GALNT17: variants seen among roughly 807,000 people sequenced by gnomAD.
GALNT17 encodes UDP-GalNAc:polypeptide N-acetylgalactosaminyltransferase-like 3.
Under a neutral mutation model 63.7 loss-of-function variants are expected in GALNT17, and 29 were observed. The ratio of observed to expected loss-of-function variants is 0.46; its 90% CI spans 0.34 to 0.62. The LOEUF (loss-of-function observed/expected upper bound fraction) is 0.62, where lower values mean the gene tolerates loss of function less well. Among genes scored for constraint, GALNT17 ranks in the 20% least tolerant of loss-of-function variants. GALNT17 has a pLI of 0.01. For missense variants in GALNT17, 603 were observed against 799.6 expected (o/e 0.75, Z 2.97); for synonymous variants, 305 against 318.3 (o/e 0.96, Z 0.45).
intron 5 of GALNT17, 83 bp downstream of exon 5, chr7:71,421,188 C>T (rs1439624111): frequency 6.8e-7 from 1 of 1,469,614 alleles, no homozygotes; most frequent in Non-Finnish European, 9.2e-7. Flanking sequence ...CCAGGAAAGC[C>T]TGCCTTGGGC....
chr7:71,241,847 C>T (rs1790002926), intron 1 of GALNT17, among the ~76,000 whole-genome samples: 1 of 152,122 alleles, frequency 6.6e-6, no homozygotes, highest in South Asian at 2.1e-4. Context: ...CATGATCACG[C>T]CCCTGCACCC....
chr7:71,658,344 T>G (rs530804018), intron 6 of GALNT17, among the ~76,000 whole-genome samples: 1 of 152,344 alleles, frequency 6.6e-6, no homozygotes, highest in African/African-American at 2.4e-5. Flanking sequence ...TCTCCCATAG[T>G]GTGTCTTCTT....
intron 5 of GALNT17, among the ~76,000 whole-genome samples, chr7:71,453,861 T>C (rs560288962): frequency 9.3e-5 from 14 of 151,350 alleles, no homozygotes; most frequent in Non-Finnish European, 2.1e-4. Context: ...TCATCAGGTC[T>C]GTTTGAGGAC....
Position 71,132,200 on chromosome 7 carries a change from C to T in GALNT17, c.-603C>T, listed in dbSNP as rs1351757703. 2.0e-5 allele frequency: 3 copies of T among 152,570 alleles called. No individual in the cohort carries two copies. The highest frequency in any genetic ancestry group is 1.9e-4 in the East Asian group (1 of 5,156). The allele number at this position is 152,570 out of a possible 1,614,324, so 9.5% of individuals were successfully genotyped here. On this transcript the variant is annotated 5_prime_UTR_variant, in exon 1 of 11. Coordinates refer to ENST00000333538, the MANE Select transcript of GALNT17 (RefSeq NM_022479.3). ...ATGCGGGCTCCCCGAGCGGGCTTCC[C>T]CTCTGCCCGGCGCGATGGAGCGGGT...
At chr7:71,229,149 C>CT (rs1789738596) in intron 1 of GALNT17, among the ~76,000 whole-genome samples, 1 of 152,202 alleles carries the variant, frequency 6.6e-6, no homozygotes, top group South Asian at 2.1e-4. Context: ...CAGCGTGATT[C>CT]TTGGAGGAGA....
At chr7:71,546,367 G>A (rs1043765450) in intron 5 of GALNT17, among the ~76,000 whole-genome samples, 1 of 151,902 alleles carries the variant, frequency 6.6e-6, no homozygotes, top group African/African-American at 2.4e-5. Context: ...TTGTCATATT[G>A]CCCAGGCTGG....
In GALNT17 at chr7:71,544,299, T is replaced by C. The variant is rs1246572677; in HGVS notation, c.963-26986T>C. On this transcript the variant is annotated intron_variant, in intron 5 of 10. Coordinates refer to ENST00000333538, the MANE Select transcript of GALNT17 (RefSeq NM_022479.3). ...GGTGCCCACCACCACGCCCGGCTATTTTTTTTTTTTTTTTTTGTATTTTTA... is the reference window on the plus strand; with the variant it reads ...GGTGCCCACCACCACGCCCGGCTATCTTTTTTTTTTTTTTTTGTATTTTTA... Among the ~76,000 whole-genome samples, 6 of 55,704 alleles carry C rather than the reference T, an allele frequency of 1.1e-4. No homozygotes were observed. In the East Asian group the frequency reaches 2.0e-3, roughly 18 times the overall value. The allele number at this position is 55,704 out of a possible 152,430, so 36.5% of individuals were successfully genotyped here.
chr7:71,238,174 T>C (rs1789929675), intron 1 of GALNT17, among the ~76,000 whole-genome samples: 1 of 152,114 alleles, frequency 6.6e-6, no homozygotes, highest in African/African-American at 2.4e-5. Flanking sequence ...CCACACTCTC[T>C]CTCTGAGCAG....
intron 1 of GALNT17, among the ~76,000 whole-genome samples, chr7:71,224,619 C>G (rs751151431): frequency 1.3e-5 from 2 of 152,132 alleles, no homozygotes; most frequent in Non-Finnish European, 2.9e-5. Context: ...ACGAGAACAC[C>G]TTTTCTAGGG....
chr7:71,706,761 T>C (rs1791726781), intron 9 of GALNT17, among the ~76,000 whole-genome samples: 2 of 152,160 alleles, frequency 1.3e-5, no homozygotes, highest in African/African-American at 2.4e-5. Flanking sequence ...GGCCCTCCTT[T>C]TGGGATAAGA....
intron 2 of GALNT17, among the ~76,000 whole-genome samples, chr7:71,357,565 A>G (rs1792310026): frequency 6.6e-6 from 1 of 152,048 alleles, no homozygotes. Context: ...GCCTCCCCAT[A>G]CTTTTTAACT....
At chr7:71,284,952 G>A (rs1790846557) in intron 1 of GALNT17, among the ~76,000 whole-genome samples, 1 of 151,840 alleles carries the variant, frequency 6.6e-6, no homozygotes, top group Non-Finnish European at 1.5e-5. Context: ...CAACTGGTGG[G>A]GTGGCATCCA....
At chr7:71,663,761 T>C (rs1790942092) in intron 6 of GALNT17, among the ~76,000 whole-genome samples, 1 of 152,116 alleles carries the variant, frequency 6.6e-6, no homozygotes, top group Admixed American at 6.6e-5. Flanking sequence ...CCAACAAAAG[T>C]CAAGAAGGGG....
Position 71,488,725 on chromosome 7 carries a change from G to A in GALNT17, c.962+67620G>A, listed in dbSNP as rs547162706. On this transcript the variant is annotated intron_variant, in intron 5 of 10. Coordinates refer to ENST00000333538, the MANE Select transcript of GALNT17 (RefSeq NM_022479.3). ...CTGTGAGTAGCTTGGGACTACAGGC[G>A]AGCACCACCACACCCCGCTAATTTT... Among the ~76,000 whole-genome samples, 51 of 151,112 alleles carry A rather than the reference G, an allele frequency of 3.4e-4. No individual in the cohort carries two copies. The South Asian group carries it at 9.2e-3, about 27-fold the overall frequency.
chr7:71,555,258 T>G (rs1789144030), intron 5 of GALNT17, among the ~76,000 whole-genome samples: 2 of 150,100 alleles, frequency 1.3e-5, no homozygotes, highest in African/African-American at 4.9e-5. Flanking sequence ...ACATCCAAAT[T>G]ATATCAGTCT....
chr7:71,245,617 G>A (rs997593651), intron 1 of GALNT17, among the ~76,000 whole-genome samples: 7 of 152,132 alleles, frequency 4.6e-5, no homozygotes, highest in Admixed American at 2.6e-4. Context: ...GAAGGTTAAC[G>A]CCCTGTGGAC....
At chr7:71,278,284 G>T (rs1224184059) in intron 1 of GALNT17, among the ~76,000 whole-genome samples, 1 of 152,134 alleles carries the variant, frequency 6.6e-6, no homozygotes, top group African/African-American at 2.4e-5. Flanking sequence ...GTATTAATTT[G>T]CCAGGACTGC....
chr7:71,711,937 T>A, intron 10 of GALNT17, 81 bp from the exon 11 acceptor site: 1 of 1,484,068 alleles, frequency 6.7e-7, no homozygotes. Context: ...CTCCTGTCTC[T>A]CTTTCTCCTC....
chr7:71,700,063 G>A (rs985511092), intron 9 of GALNT17, among the ~76,000 whole-genome samples: 7 of 151,794 alleles, frequency 4.6e-5, no homozygotes, highest in African/African-American at 1.2e-4. Context: ...AGGCCAAGGC[G>A]GGCAGATCAC....
Sources: gnomAD v4.1 joint callset for allele counts (sites outside exome capture counted in the v4.1 genomes callset) on GRCh38, gnomAD v4.1.1 for gene constraint, MANE v1.5 for transcripts, NCBI Gene and HGNC (gene_info 2026-07-23, HGNC 2026-07-21) for gene names.